Variants in WDR47 observed in about 807,000 individuals in gnomAD.
WDR47 encodes WD repeat-containing protein 47.
A neutral mutation model predicts 97.2 loss-of-function variants in WDR47; 32 were observed. The observed-to-expected ratio is 0.33, with a 90% CI of 0.25 to 0.44. The LOEUF is 0.44. Ranked by LOEUF, WDR47 falls within the 20% of genes least tolerant of loss-of-function variation. WDR47 has a pLI of 1.00. For missense variants in WDR47, 782 were observed against 1,102.3 expected, an observed-to-expected ratio of 0.71 and a Z score of 4.11; for synonymous variants, 375 against 373.5, an observed-to-expected ratio of 1.00 and a Z score of -0.05.
chr1:109,034,003 T>C lies in WDR47; in HGVS notation c.-10+7859A>G, dbSNP rs143045855. The stretch of plus-strand genomic sequence containing the variant: ...AGCATGAAATTTTTACCTACAAAAA[T>C]GTTGGTGAAGCATGATGGCTCATGC... On this transcript the variant is annotated intron_variant, in intron 1 of 14. Coordinates refer to ENST00000369962, the MANE Select transcript of WDR47 (RefSeq NM_001142551.2). 5.4e-3 allele frequency among the ~76,000 whole-genome samples: 830 copies of C among 152,366 alleles called. 5 individuals carry two copies. The highest frequency in any genetic ancestry group is 9.5e-3 in the Non-Finnish European group (649 of 68,044).
rs146689254 is a variant in WDR47 at position 109,012,032 on chromosome 1, A to G, written c.328-314T>C. 6.3e-3 allele frequency among the ~76,000 whole-genome samples: 955 copies of G among 152,202 alleles called. 7 individuals carry two copies. Among genetic ancestry groups the G allele is most frequent in the African/African-American group, 0.022 (908 of 41,548 alleles). On this transcript the variant is annotated intron_variant, in intron 4 of 14. Transcript: ENST00000369962. ...TTCATACACACAAATATAGTGCACT[A>G]CAGCCTTGAACTCTTGGGCTCAAGT...
chr1:109,023,489 A>G lies in WDR47; in HGVS notation c.24T>C (p.Asn8=). Residue 8 remains asparagine, a synonymous_variant, in exon 2 of 15, where the codon AAT becomes AAC. Transcript: ENST00000369962. The part of the protein sequence containing the change: MTAEETV[N]VKEVEIIKLI... ...GCTTAATGATTTCAACCTCTTTTAC[A>G]TTCACTGTTTCTTCAGCCGTCATAT... The G allele has an allele frequency of 6.2e-7, 1 of 1,613,318 alleles. No individual in the cohort carries two copies. The highest frequency in any genetic ancestry group is 8.5e-7 in the Non-Finnish European group (1 of 1,179,544).
chr1:109,037,909 T>C (rs940426750), intron 1 of WDR47, among the ~76,000 whole-genome samples: 2 of 152,060 alleles, frequency 1.3e-5, no homozygotes, highest in African/African-American at 4.8e-5. Context: ...CCCAGGCTGG[T>C]AGAGCCTTGT....
intron 1 of WDR47, among the ~76,000 whole-genome samples, chr1:109,028,558 G>T (rs1662389406): frequency 6.7e-6 from 1 of 149,942 alleles, no homozygotes; most frequent in South Asian, 2.1e-4. Flanking sequence ...TGAAAAGGAT[G>T]GAGCTGTGAC....
chr1:109,014,523 C>T (rs1661278933), intron 3 of WDR47, among the ~76,000 whole-genome samples: 1 of 151,860 alleles, frequency 6.6e-6, no homozygotes, highest in Admixed American at 6.6e-5. Flanking sequence ...CAGCCTCAAA[C>T]TTTGGCCCAA....
chr1:108,997,246 G>A (rs1342997983), intron 7 of WDR47, among the ~76,000 whole-genome samples: 2 of 150,248 alleles, frequency 1.3e-5, no homozygotes, highest in Non-Finnish European at 3.0e-5. Context: ...GGCAACAGAG[G>A]GAGCCCGTCT....
intron 1 of WDR47, among the ~76,000 whole-genome samples, chr1:109,039,905 A>G (rs1663226876): frequency 6.6e-6 from 1 of 151,864 alleles, no homozygotes; most frequent in South Asian, 2.1e-4. Flanking sequence ...GCGTGGTGGC[A>G]GGCACCTGTA....
chr1:109,023,456 C>T lies in WDR47; in HGVS notation c.57G>A (p.Leu19=), dbSNP rs760065186. The T allele has an allele frequency of 5.0e-6, 8 of 1,613,494 alleles. No individual in the cohort carries two copies. The highest frequency in any genetic ancestry group is 6.8e-6 in the Non-Finnish European group (8 of 1,179,706). ...VKEVEIIKLI[L]DFLNSKKLHI... is the part of the protein sequence containing the mutation. ...GAAGCTTCTTTGAATTCAGGAAGTCCAAAATTAGCTTAATGATTTCAACCT... is the reference window on the plus strand; with the variant it reads ...GAAGCTTCTTTGAATTCAGGAAGTCTAAAATTAGCTTAATGATTTCAACCT... The change falls in exon 2 of 15, where the codon TTG becomes TTA. Residue 19 remains leucine (L), a synonymous_variant. Transcript: ENST00000369962.
At chr1:108,998,527 T>C (rs920033954) in intron 7 of WDR47, among the ~76,000 whole-genome samples, 1 of 151,962 alleles carries the variant, frequency 6.6e-6, no homozygotes, top group African/African-American at 2.4e-5. Context: ...AATGCTAATA[T>C]AGCATTTTAA....
At chr1:108,998,571 T>A (rs543582472) in intron 7 of WDR47, among the ~76,000 whole-genome samples, 1 of 152,278 alleles carries the variant, frequency 6.6e-6, no homozygotes, top group Non-Finnish European at 1.5e-5. Context: ...GGGAAGAGGC[T>A]GAATACGCCT....
chr1:109,042,012 C>G lies in WDR47; in HGVS notation c.-160G>C, dbSNP rs1182837417. 6.6e-6 allele frequency: 1 copy of G among 152,370 alleles called. No individual in the cohort carries two copies. The highest frequency in any genetic ancestry group is 1.9e-4 in the East Asian group (1 of 5,194). 9.4% of individuals were successfully genotyped at this position (152,370 alleles called of 1,614,324 possible). A position where few individuals can be genotyped will look rare whatever the true frequency, so the allele number is the denominator to read the frequency against. On this transcript the variant is annotated 5_prime_UTR_variant, in exon 1 of 15. Coordinates refer to ENST00000369962, the MANE Select transcript of WDR47 (RefSeq NM_001142551.2). ...GGCGTCGGTCCTCCCTCCTACCGCC[C>G]GCGCGTCAATCCATCAGTTCGTCAA...
intron 11 of WDR47, 119 bp downstream of exon 11, chr1:108,983,163 A>G: frequency 1.1e-5 from 12 of 1,085,922 alleles, no homozygotes; most frequent in Non-Finnish European, 1.5e-5. Flanking sequence ...ATTATTGAAA[A>G]AATTATTCTT....
intron 2 of WDR47, among the ~76,000 whole-genome samples, chr1:109,020,424 C>T (rs1661749076): frequency 6.6e-6 from 1 of 151,802 alleles, no homozygotes; most frequent in African/African-American, 2.4e-5. Context: ...CCACGCCTGG[C>T]TAATTTTTTG....
Position 108,987,935 on chromosome 1 carries a change from A to C in WDR47, c.1768-1255T>G, listed in dbSNP as rs566449431. ...AAGTTTTTCTTCAATTATTAAGACAAAATGTAAGAATAAATACGGGCCAGG... is the reference window on the plus strand; with the variant it reads ...AAGTTTTTCTTCAATTATTAAGACACAATGTAAGAATAAATACGGGCCAGG... On this transcript the variant is annotated intron_variant, in intron 9 of 14. Transcript: ENST00000369962. Among the ~76,000 whole-genome samples, 370 of 152,130 alleles carry C rather than the reference A, an allele frequency of 2.4e-3. 2 individuals are homozygous for C. The highest frequency in any genetic ancestry group is 8.6e-3 in the African/African-American group (356 of 41,512).
chr1:108,987,954 G>A (rs1360354158), intron 9 of WDR47, among the ~76,000 whole-genome samples: 1 of 151,716 alleles, frequency 6.6e-6, no homozygotes, highest in Admixed American at 6.6e-5. Context: ...AATAAATACG[G>A]GCCAGGCACG....
chr1:109,017,468 C>T (rs755330262), intron 3 of WDR47, 50 bp downstream of exon 3: 37 of 1,485,752 alleles, frequency 2.5e-5, no homozygotes, highest in Admixed American at 3.9e-5. Context: ...CATTGTTTTG[C>T]TAAGCTTCTA....
At chr1:109,037,543 C>A (rs1663044919) in intron 1 of WDR47, among the ~76,000 whole-genome samples, 1 of 147,942 alleles carries the variant, frequency 6.8e-6, no homozygotes, top group South Asian at 2.1e-4. Context: ...AGGAGAATGG[C>A]ATGAACCTGG....
intron 7 of WDR47, among the ~76,000 whole-genome samples, chr1:108,997,583 C>T (rs973680265): frequency 2.0e-5 from 3 of 151,488 alleles, no homozygotes; most frequent in Non-Finnish European, 4.4e-5. Flanking sequence ...GGTGAAACCC[C>T]GTCTCTACTA....
intron 8 of WDR47, among the ~76,000 whole-genome samples, chr1:108,993,129 A>G (rs1217006520): frequency 6.6e-6 from 1 of 152,174 alleles, no homozygotes; most frequent in Non-Finnish European, 1.5e-5. Flanking sequence ...CAGCCTCGCC[A>G]ACATGGTAAA....
Sources: gnomAD v4.1 joint callset for allele counts (sites outside exome capture counted in the v4.1 genomes callset) on GRCh38, gnomAD v4.1.1 for gene constraint, MANE v1.5 for transcripts, NCBI Gene and HGNC (gene_info 2026-07-23, HGNC 2026-07-21) for gene names.